The following KHDRBS2 variants were observed in gnomAD, a reference collection of about 807,000 sequenced individuals.
KHDRBS2 encodes KH domain-containing, RNA-binding, signal transduction-associated protein 2.
A neutral mutation model predicts 44.3 loss-of-function variants in KHDRBS2; 26 were observed. The observed-to-expected ratio is 0.59, with a 90% confidence interval of 0.43 to 0.81. The LOEUF (loss-of-function observed/expected upper bound fraction) is 0.81. Ranked by LOEUF, KHDRBS2 falls within the 40% of genes least tolerant of loss-of-function variation. The probability of loss-of-function intolerance (pLI) is 0.00; values close to 1 mark genes in which losing one functional copy is unlikely to be tolerated. For synonymous variants in KHDRBS2, 194 were observed against 151.1 expected, an observed-to-expected ratio of 1.28 and a Z score of -2.08; for missense variants, 476 against 433.1, an observed-to-expected ratio of 1.10 and a Z score of -0.88.
chr6:61,777,021 A>G (rs1248274665), intron 6 of KHDRBS2, among the ~76,000 whole-genome samples: 18 of 152,136 alleles, frequency 1.2e-4, no homozygotes, highest in Non-Finnish European at 7.3e-5. Context: ...CGTCATTCTC[A>G]GCAAACTATC....
the KHDRBS2 span, among the ~76,000 whole-genome samples, chr6:61,587,334 G>A: frequency 2.0e-5 from 3 of 151,062 alleles, no homozygotes; most frequent in South Asian, 4.2e-4. Flanking sequence ...GCTGGTGCTA[G>A]GGAGACTATG....
intron 6 of KHDRBS2, chr6:61,816,498 G>T: frequency 3.4e-6 from 1 of 293,458 alleles, no homozygotes; most frequent in South Asian, 2.9e-5. Context: ...AAGTCAGGGA[G>T]AGGCAAGGAA....
chr6:61,683,004 T>C (rs147559928), intron 8 of KHDRBS2, among the ~76,000 whole-genome samples: 29 of 152,012 alleles, frequency 1.9e-4, no homozygotes, highest in East Asian at 1.2e-3. Context: ...CAATTTATCA[T>C]GGTTTTTAAC....
At chr6:62,203,663 T>G (rs1449344207) in intron 1 of KHDRBS2, among the ~76,000 whole-genome samples, 1 of 152,082 alleles carries the variant, frequency 6.6e-6, no homozygotes, top group Non-Finnish European at 1.5e-5. Flanking sequence ...GCACAAGGGG[T>G]AGCCATAGCT....
chr6:61,950,137 T>C (rs1359956775), intron 4 of KHDRBS2, among the ~76,000 whole-genome samples: 1 of 152,172 alleles, frequency 6.6e-6, no homozygotes, highest in African/African-American at 2.4e-5. Flanking sequence ...GGCAAGTTTA[T>C]TGGGTGACAG....
At chr6:61,607,519 G>GAAAAAAAAAAAAAAAAAAAAAAA in the KHDRBS2 span, among the ~76,000 whole-genome samples, 5 of 23,308 alleles carry the variant, frequency 2.1e-4, no homozygotes, top group Non-Finnish European at 3.0e-4. Flanking sequence ...TGAGTTCCAA[G>GAAAAAAAAAAAAAAAAAAAAAAA]CAAAAAAAAA....
chr6:61,968,373 C>T (rs148836549), intron 4 of KHDRBS2, among the ~76,000 whole-genome samples: 1,620 of 152,086 alleles, frequency 0.011, 11 homozygotes, highest in Non-Finnish European at 0.015. Context: ...CTGTCACATA[C>T]TCCTTGCCTA....
the KHDRBS2 span, among the ~76,000 whole-genome samples, chr6:61,636,501 A>G: frequency 6.6e-6 from 1 of 152,084 alleles, no homozygotes; most frequent in Non-Finnish European, 1.5e-5. Context: ...CAAAATGTAT[A>G]TAGGACTTTC....
intron 4 of KHDRBS2, among the ~76,000 whole-genome samples, chr6:61,904,114 C>T (rs886916382): frequency 2.6e-5 from 4 of 152,202 alleles, no homozygotes; most frequent in Non-Finnish European, 5.9e-5. Flanking sequence ...CTTCAGCAGC[C>T]TCTCTCCAGC....
chr6:62,047,965 T>A lies in KHDRBS2; in HGVS notation c.249A>T (p.Pro83=), dbSNP rs558517746. ...GTAGCCTCTTCAAGGAGTTTCCTCT[T>A]GGTCCAAGCAATTTCCCCACAAAAT... is the stretch of plus-strand genomic sequence containing the variant. ...KFNFVGKLLG[P]RGNSLKRLQE... Residue 83 remains proline, a synonymous_variant, in exon 3 of 9, where the codon CCA becomes CCT. Transcript: ENST00000281156. 2.3e-5 allele frequency: 37 copies of A among 1,610,414 alleles called. No individual in the cohort carries two copies. Among genetic ancestry groups the A allele is most frequent in the Non-Finnish European group, 3.1e-5 (36 of 1,177,104 alleles).
Position 61,942,009 on chromosome 6 carries a change from G to A in KHDRBS2, c.483+36057C>T, listed in dbSNP as rs1328498699. 2.0e-5 allele frequency among the ~76,000 whole-genome samples: 3 copies of A among 152,120 alleles called. No individual in the cohort carries two copies. In the South Asian group the frequency reaches 6.2e-4, roughly 32 times the overall value. On this transcript the variant is annotated intron_variant, in intron 4 of 8. Transcript: ENST00000281156. Reference sequence around the variant, plus strand: ...TGGGACTTGTTCTGTGACCCAGGCTGGAGTGCAGTTGGTATGTAATAGCAT... The same window carrying A: ...TGGGACTTGTTCTGTGACCCAGGCTAGAGTGCAGTTGGTATGTAATAGCAT...
intron 1 of KHDRBS2, among the ~76,000 whole-genome samples, chr6:62,224,242 C>A (rs751522497): frequency 6.6e-6 from 1 of 152,036 alleles, no homozygotes; most frequent in Non-Finnish European, 1.5e-5. Flanking sequence ...AGCAGAAACC[C>A]CTGATAAAGC....
intron 2 of KHDRBS2, among the ~76,000 whole-genome samples, chr6:62,058,174 C>CT (rs1562745616): frequency 6.6e-6 from 1 of 151,818 alleles, no homozygotes; most frequent in Non-Finnish European, 1.5e-5. Context: ...TACTCTTTCA[C>CT]TTTTTATGGG....
At chr6:61,798,880 A>G (rs1785808565) in intron 6 of KHDRBS2, among the ~76,000 whole-genome samples, 1 of 151,982 alleles carries the variant, frequency 6.6e-6, no homozygotes, top group Admixed American at 6.6e-5. Flanking sequence ...GTAAATAGTT[A>G]TATATTTATA....
the KHDRBS2 span, among the ~76,000 whole-genome samples, chr6:61,637,124 C>T: frequency 6.6e-6 from 1 of 151,954 alleles, no homozygotes; most frequent in African/African-American, 2.4e-5. Flanking sequence ...TGCTGGTGTG[C>T]TGTACCCACT....
chr6:61,982,398 G>A (rs761278188), intron 3 of KHDRBS2, among the ~76,000 whole-genome samples: 3 of 152,082 alleles, frequency 2.0e-5, no homozygotes, highest in Admixed American at 6.6e-5. Context: ...GGGGCCGGGC[G>A]CGGTGGCTCA....
At chr6:61,996,388 C>T (rs543118036) in intron 3 of KHDRBS2, among the ~76,000 whole-genome samples, 1 of 152,164 alleles carries the variant, frequency 6.6e-6, no homozygotes, top group South Asian at 2.1e-4. Flanking sequence ...AAATAAAACA[C>T]TATTTAAATC....
chr6:61,617,008 T>A, the KHDRBS2 span, among the ~76,000 whole-genome samples: 8 of 152,184 alleles, frequency 5.3e-5, no homozygotes, highest in Non-Finnish European at 1.2e-4. Flanking sequence ...TGTGGAACAT[T>A]GGAATGAGAT....
At chr6:62,061,414 A>C (rs1395953750) in intron 2 of KHDRBS2, among the ~76,000 whole-genome samples, 1 of 151,000 alleles carries the variant, frequency 6.6e-6, no homozygotes, top group African/African-American at 2.4e-5. Flanking sequence ...AAAGGATTTT[A>C]TTTCTCCTTC....
Sources: gnomAD v4.1 joint callset for allele counts (sites outside exome capture counted in the v4.1 genomes callset) on GRCh38, gnomAD v4.1.1 for gene constraint, MANE v1.5 for transcripts, NCBI Gene and HGNC (gene_info 2026-07-23, HGNC 2026-07-21) for gene names.